Variants in TEX11 observed in about 807,000 individuals in gnomAD.
TEX11 encodes testis-expressed protein 11.
TEX11 carries 7 observed loss-of-function variants against 84.4 expected under a neutral mutation model. That is an observed-to-expected ratio of 0.08 (90% CI 0.05 to 0.16). TEX11 has a LOEUF of 0.16. Ranked by LOEUF, TEX11 falls within the 10% of genes least tolerant of loss-of-function variation. The probability of loss-of-function intolerance (pLI) is 1.00; values close to 1 mark genes in which losing one functional copy is unlikely to be tolerated. For synonymous variants in TEX11, 264 were observed against 222.8 expected, an observed-to-expected ratio of 1.18 and a Z score of -1.64; for missense variants, 551 against 660.5, an observed-to-expected ratio of 0.83 and a Z score of 1.82.
rs28835325 is a variant in TEX11, at chrX:70,705,705, A to G, written c.1004+16913T>C. On this transcript the variant is annotated intron_variant, in intron 13 of 29. Coordinates refer to ENST00000374333, the MANE Select transcript of TEX11 (RefSeq NM_031276.3). ...ATTTATGCAGCCAAAAGACACATGA[A>G]AAATGCTCATCATCACTGGCCATCA... Among the ~76,000 whole-genome samples the G allele has an allele frequency of 8.6e-3, 964 of 112,416 alleles. 12 individuals are homozygous for G. The highest frequency in any genetic ancestry group is 0.03 in the African/African-American group (930 of 30,926).
Position 70,725,291 on chromosome X carries a change from C to A in TEX11, c.896G>T (p.Gly299Val). 8.3e-7 allele frequency: 1 copy of A among 1,200,143 alleles called. No individual in the cohort carries two copies. The highest frequency in any genetic ancestry group is 1.1e-6 in the Non-Finnish European group (1 of 887,756). The change falls in exon 12 of 30, where the codon GGC becomes GTC. Residue 299 changes from glycine (G) to valine (V), a missense_variant. By Grantham distance (109) the Gly-to-Val change is moderately radical. Coordinates refer to ENST00000374333, the MANE Select transcript of TEX11 (RefSeq NM_031276.3). ...LFLKMKILLK[G>V]ETSNEELLEA... The stretch of plus-strand genomic sequence containing the variant: ...AAGGAGTTCTTCATTAGATGTTTCG[C>A]CTTTCAAGAGGATTTTCATTTTTAA...
chrX:70,807,780 C>T (rs899569161), intron 8 of TEX11, among the ~76,000 whole-genome samples: 1 of 110,812 alleles, frequency 9.0e-6, no homozygotes, highest in Admixed American at 9.7e-5. Context: ...CATGTCTGAG[C>T]ACATTAGACC....
intron 16 of TEX11, among the ~76,000 whole-genome samples, chrX:70,659,780 T>A (rs73542481): frequency 0.087 from 9,714 of 112,056 alleles, 920 homozygotes; most frequent in African/African-American, 0.27. Flanking sequence ...TATTTATTCA[T>A]AATAGCCAAA....
At chrX:70,626,041 C>T (rs1287341143) in intron 18 of TEX11, among the ~76,000 whole-genome samples, 1 of 111,200 alleles carries the variant, frequency 9.0e-6, no homozygotes, top group Non-Finnish European at 1.9e-5. Flanking sequence ...AGCCACTGCG[C>T]GCGGCATATT....
At chrX:70,704,080 T>TCC (rs1491089537) in intron 13 of TEX11, among the ~76,000 whole-genome samples, 1 of 103,385 alleles carries the variant, frequency 9.7e-6, no homozygotes, top group Non-Finnish European at 2.0e-5. Flanking sequence ...GTGTGTGGTA[T>TCC]CTCTCTCTCT....
At chrX:70,575,662 A>T (rs535546455) in intron 25 of TEX11, among the ~76,000 whole-genome samples, 7 of 111,253 alleles carry the variant, frequency 6.3e-5, no homozygotes, top group African/African-American at 2.3e-4. Context: ...AGAAAAAAAA[A>T]TTTTTCTCTT....
intron 2 of TEX11, among the ~76,000 whole-genome samples, chrX:70,904,012 C>T (rs967192903): frequency 2.6e-5 from 2 of 76,756 alleles, no homozygotes; most frequent in African/African-American, 1.1e-4. Context: ...TTGGTGAAGA[C>T]AGGGTCTCTG....
chrX:70,569,360 T>C (rs956423199), intron 25 of TEX11, among the ~76,000 whole-genome samples: 2 of 111,971 alleles, frequency 1.8e-5, no homozygotes, highest in African/African-American at 3.2e-5. Context: ...AATTTCCTCC[T>C]GTAGCTCAGA....
chrX:70,764,193 C>G (rs150649431), intron 9 of TEX11, among the ~76,000 whole-genome samples: 214 of 111,594 alleles, frequency 1.9e-3, no homozygotes, highest in African/African-American at 6.7e-3. Flanking sequence ...GGAAACTATA[C>G]AAATACATGA....
intron 14 of TEX11, among the ~76,000 whole-genome samples, chrX:70,679,420 C>T (rs1354901901): frequency 1.3e-4 from 13 of 99,712 alleles, no homozygotes; most frequent in Non-Finnish European, 8.2e-5. Context: ...ATGTGAGGAG[C>T]CCCTCTGCCT....
Position 70,722,705 on chromosome X carries a change from A to G in TEX11, c.926-9T>C, listed in dbSNP as rs778114216. On this transcript the variant is annotated splice_polypyrimidine_tract_variant and intron_variant, in intron 12 of 29. Transcript: ENST00000374333. ...TAGTATTTCCATGACAGCTAACAAGATGAAAAAATGAAATAATTATCAGTT... is the reference window on the plus strand; with the variant it reads ...TAGTATTTCCATGACAGCTAACAAGGTGAAAAAATGAAATAATTATCAGTT... 8.8e-7 allele frequency: 1 copy of G among 1,130,525 alleles called. No homozygotes were observed. Among genetic ancestry groups the G allele is most frequent in the South Asian group, 1.9e-5 (1 of 52,346 alleles). 93.2% of individuals were successfully genotyped at this position (1,130,525 alleles called of 1,213,427 possible).
At chrX:70,791,892 G>A (rs1328390121) in intron 9 of TEX11, among the ~76,000 whole-genome samples, 2 of 110,902 alleles carry the variant, frequency 1.8e-5, no homozygotes, top group Admixed American at 9.6e-5. Context: ...TTGGGAGGCC[G>A]AGGCGGGTGG....
intron 9 of TEX11, among the ~76,000 whole-genome samples, chrX:70,794,444 G>T (rs1037592844): frequency 7.2e-5 from 8 of 110,668 alleles, no homozygotes; most frequent in African/African-American, 2.0e-4. Context: ...AGTCCTTGTG[G>T]GTATGGAGTC....
intron 9 of TEX11, among the ~76,000 whole-genome samples, chrX:70,766,532 G>A (rs2090941850): frequency 9.0e-6 from 1 of 111,405 alleles, no homozygotes; most frequent in Admixed American, 9.6e-5. Context: ...AACCAATACT[G>A]TTAACATGTC....
chrX:70,559,187 T>C (rs2088329423), intron 25 of TEX11, among the ~76,000 whole-genome samples: 1 of 112,317 alleles, frequency 8.9e-6, no homozygotes, highest in Non-Finnish European at 1.9e-5. Context: ...AACTGATGAA[T>C]GGATGAATAA....
intron 25 of TEX11, among the ~76,000 whole-genome samples, chrX:70,577,735 CT>C (rs111944315): frequency 0.083 from 8,108 of 97,895 alleles, 875 homozygotes; most frequent in African/African-American, 0.26. Flanking sequence ...ATGATTATAT[CT>C]TTTTTTTTTT....
At chrX:70,681,253 CAT>C (rs967723824) in intron 14 of TEX11, among the ~76,000 whole-genome samples, 10 of 112,487 alleles carry the variant, frequency 8.9e-5, no homozygotes, top group African/African-American at 2.9e-4. Flanking sequence ...AAAATACTCA[CAT>C]GAGAGTAAAC....
At chrX:70,641,230 T>A (rs2089653232) in intron 17 of TEX11, among the ~76,000 whole-genome samples, 1 of 111,575 alleles carries the variant, frequency 9.0e-6, no homozygotes, top group South Asian at 3.8e-4. Context: ...ATCCTAAATA[T>A]ATATGCACCC....
chrX:70,812,882 C>T (rs2091265336), intron 8 of TEX11, among the ~76,000 whole-genome samples: 1 of 111,156 alleles, frequency 9.0e-6, no homozygotes, highest in South Asian at 3.8e-4. Flanking sequence ...ATACACTCTC[C>T]CAAAACTACA....
Sources: gnomAD v4.1 joint callset for allele counts (sites outside exome capture counted in the v4.1 genomes callset) on GRCh38, gnomAD v4.1.1 for gene constraint, MANE v1.5 for transcripts, NCBI Gene and HGNC (gene_info 2026-07-23, HGNC 2026-07-21) for gene names.